Variants in CFAP418 observed in about 807,000 individuals in gnomAD.
CFAP418 encodes cilia- and flagella-associated protein 418.
Under a neutral mutation model 24.7 loss-of-function variants are expected in CFAP418, and 27 were observed. The ratio of observed to expected loss-of-function variants is 1.09; its 90% CI spans 0.81 to 1.51. The LOEUF (loss-of-function observed/expected upper bound fraction) is 1.51. Ranked by LOEUF, CFAP418 falls within the 40% of genes most tolerant of loss-of-function variation. CFAP418 has a pLI of 0.00. For synonymous variants in CFAP418, 74 were observed against 87.3 expected, an observed-to-expected ratio of 0.85 and a Z score of 0.85; for missense variants, 257 against 255.2, an observed-to-expected ratio of 1.01 and a Z score of -0.05.
intron 5 of CFAP418, among the ~76,000 whole-genome samples, 163 bp downstream of exon 5, chr8:95,252,025 T>C (rs559657186): frequency 2.4e-4 from 36 of 152,320 alleles, no homozygotes; most frequent in Non-Finnish European, 4.7e-4. Context: ...TATATATATA[T>C]ATGCAGTCCA....
intron 4 of CFAP418, among the ~76,000 whole-genome samples, chr8:95,255,774 G>C (rs1323021671): frequency 1.3e-5 from 2 of 152,122 alleles, no homozygotes; most frequent in African/African-American, 2.4e-5. Flanking sequence ...TCAGCATCTT[G>C]GGTTTTTCTC....
intron 4 of CFAP418, among the ~76,000 whole-genome samples, chr8:95,255,646 T>C (rs1230915724): frequency 6.6e-6 from 1 of 152,244 alleles, no homozygotes; most frequent in African/African-American, 2.4e-5. Context: ...CATTTATTTG[T>C]TCATCAAAAT....
chr8:95,263,151 G>A (rs117332447), intron 2 of CFAP418, among the ~76,000 whole-genome samples: 2,530 of 152,232 alleles, frequency 0.017, 44 homozygotes, highest in Non-Finnish European at 0.019. Flanking sequence ...TAAAGCAAAT[G>A]TGGCAAAACA....
chr8:95,255,788 T>C (rs1811777403), intron 4 of CFAP418, among the ~76,000 whole-genome samples: 2 of 152,220 alleles, frequency 1.3e-5, no homozygotes, highest in African/African-American at 4.8e-5. Context: ...TTTTCTCTTG[T>C]GGAGCAGGTA....
At chr8:95,247,900 C>T (rs1258484972) in intron 5 of CFAP418, 130 bp from the exon 6 acceptor site, 2 of 969,174 alleles carry the variant, frequency 2.1e-6, no homozygotes, top group African/African-American at 3.4e-5. Flanking sequence ...GTTACTCAGG[C>T]TGGATTGCGG....
rs150311212 is a variant in CFAP418 at position 95,247,081 on chromosome 8, T to G, written c.*536A>C. On this transcript the variant is annotated 3_prime_UTR_variant, in exon 6 of 6. Coordinates refer to ENST00000286688, the MANE Select transcript of CFAP418 (RefSeq NM_177965.4). The stretch of plus-strand genomic sequence containing the variant: ...AGGTAAGATCAGCTATGAGGCAGTG[T>G]TTTTGCAAAATACCTGTAACTACTT... 658 of 155,632 alleles carry G rather than the reference T, an allele frequency of 4.2e-3. 1 individual carries two copies. Among genetic ancestry groups the G allele is most frequent in the African/African-American group, 0.015 (619 of 41,566 alleles). 9.6% of individuals were successfully genotyped at this position (155,632 alleles called of 1,614,324 possible). A position where few individuals can be genotyped will look rare whatever the true frequency, so the allele number is the denominator to read the frequency against.
Position 95,247,772 on chromosome 8 carries a change from T to TATTAGTAA in CFAP418, c.471-10_471-3dup. The TATTAGTAA allele has an allele frequency of 6.2e-7, 1 of 1,601,492 alleles. No homozygotes were observed. Among genetic ancestry groups the TATTAGTAA allele is most frequent in the South Asian group, 1.1e-5 (1 of 89,332 alleles). On this transcript the variant is annotated splice_region_variant and splice_polypyrimidine_tract_variant and intron_variant, in intron 5 of 5. Coordinates refer to ENST00000286688, the MANE Select transcript of CFAP418 (RefSeq NM_177965.4). ...TTGTGAAATTCTGGCATGTTGTTCC[T>TATTAGTAA]ATTAGTAAAACAGGAAAGTTTTAGC...
At chr8:95,266,715 T>A (rs1455389518) in intron 1 of CFAP418, among the ~76,000 whole-genome samples, 1 of 152,186 alleles carries the variant, frequency 6.6e-6, no homozygotes, top group African/African-American at 2.4e-5. Context: ...TACAACTACA[T>A]TGCCAGATGA....
At chr8:95,258,942 G>C (rs936254651) in intron 4 of CFAP418, among the ~76,000 whole-genome samples, 2 of 152,110 alleles carry the variant, frequency 1.3e-5, no homozygotes, top group Non-Finnish European at 2.9e-5. Flanking sequence ...GTTTGTGTAA[G>C]TACACTCTAT....
intron 5 of CFAP418, 24 bp downstream of exon 5, chr8:95,252,164 G>A: frequency 6.5e-7 from 1 of 1,549,514 alleles, no homozygotes; most frequent in Non-Finnish European, 8.9e-7. Context: ...ACTTTTTTCA[G>A]AGTGAAGTTC....
chr8:95,255,848 C>G (rs948108104), intron 4 of CFAP418, among the ~76,000 whole-genome samples: 1 of 152,208 alleles, frequency 6.6e-6, no homozygotes, highest in African/African-American at 2.4e-5. Flanking sequence ...AAGTACTTCA[C>G]ACATAAAATT....
At chr8:95,268,468 C>A (rs1208970724) in intron 1 of CFAP418, among the ~76,000 whole-genome samples, 1 of 151,964 alleles carries the variant, frequency 6.6e-6, no homozygotes, top group African/African-American at 2.4e-5. Context: ...GAGCGAGACT[C>A]CATCTCAAAA....
chr8:95,267,482 T>G (rs1563475697), intron 1 of CFAP418, among the ~76,000 whole-genome samples: 1 of 152,124 alleles, frequency 6.6e-6, no homozygotes, highest in Non-Finnish European at 1.5e-5. Context: ...GCGCCTGTAG[T>G]CTCAGCTACT....
chr8:95,251,362 G>C (rs1001408465), intron 5 of CFAP418, among the ~76,000 whole-genome samples: 4 of 152,206 alleles, frequency 2.6e-5, no homozygotes, highest in African/African-American at 9.6e-5. Flanking sequence ...ATCCCAAGAG[G>C]TAAAGAGGTT....
chr8:95,249,081 A>C (rs1485610429), intron 5 of CFAP418, among the ~76,000 whole-genome samples: 2 of 152,240 alleles, frequency 1.3e-5, no homozygotes, highest in Admixed American at 6.5e-5. Flanking sequence ...ACCCCGCCAA[A>C]ACTAAGTTGT....
intron 1 of CFAP418, among the ~76,000 whole-genome samples, chr8:95,264,358 A>C (rs550015620): frequency 1.4e-4 from 21 of 152,346 alleles, no homozygotes; most frequent in African/African-American, 4.6e-4. Flanking sequence ...TAGAACTTCT[A>C]TTTAATAGCT....
At chr8:95,252,071 A>G (rs1811717809) in intron 5 of CFAP418, 117 bp downstream of exon 5, 2 of 709,334 alleles carry the variant, frequency 2.8e-6, no homozygotes, top group Non-Finnish European at 5.0e-6. Flanking sequence ...GCACATGACT[A>G]TACTGAAGAG....
At chr8:95,268,999 T>G in intron 1 of CFAP418, 36 bp downstream of exon 1, 1 of 1,603,416 alleles carries the variant, frequency 6.2e-7, no homozygotes, top group Non-Finnish European at 8.5e-7. Flanking sequence ...GGAGCAGGGC[T>G]TTACCAGAAC....
Position 95,263,748 on chromosome 8 carries a change from T to A in CFAP418, c.182A>T (p.Asp61Val). ...LRSTETFKKEDDLDSLINEIL... is the reference protein window; with the variant it reads ...LRSTETFKKEVDLDSLINEIL... ...TTCATTAATAAGACTGTCAAGATCA[T>A]CTTCTTTTTTAAATGTTTCTGTTGA... Residue 61 changes from aspartate (D) to valine (V), a missense_variant, in exon 2 of 6, where the codon GAT (aspartate) becomes GTT (valine). By Grantham distance (152) the Asp-to-Val change is radical. Transcript: ENST00000286688. 1.2e-6 allele frequency: 2 copies of A among 1,608,078 alleles called. No homozygotes were observed. The highest frequency in any genetic ancestry group is 2.2e-5 in the East Asian group (1 of 44,688).
Sources: gnomAD v4.1 joint callset for allele counts (sites outside exome capture counted in the v4.1 genomes callset) on GRCh38, gnomAD v4.1.1 for gene constraint, MANE v1.5 for transcripts, NCBI Gene and HGNC (gene_info 2026-07-23, HGNC 2026-07-21) for gene names.